Variants in SMARCA4 observed in about 807,000 individuals in gnomAD.
The protein encoded by SMARCA4 is SWI/SNF related BAF chromatin remodeling complex subunit ATPase 4.
Under a neutral mutation model 193.9 loss-of-function variants are expected in SMARCA4, and 31 were observed. The ratio of observed to expected loss-of-function variants is 0.16; its 90% CI spans 0.12 to 0.22. The LOEUF (loss-of-function observed/expected upper bound fraction) is 0.22, where lower values mean the gene tolerates loss of function less well. Ranked by LOEUF, SMARCA4 falls within the 10% of genes least tolerant of loss-of-function variation. SMARCA4 has a pLI of 1.00. For synonymous variants in SMARCA4, 942 were observed against 933.1 expected, an observed-to-expected ratio of 1.01 and a Z score of -0.17; for missense variants, 1,148 against 2,296.0, an observed-to-expected ratio of 0.50 and a Z score of 10.22.
intron 30 of SMARCA4, among the ~76,000 whole-genome samples, chr19:11,048,940 C>T (rs1419129472): frequency 6.6e-6 from 1 of 152,228 alleles, no homozygotes; most frequent in African/African-American, 2.4e-5. Context: ...GTGGCACTGC[C>T]AGCTGTCACA....
rs746165832 is a variant in SMARCA4 at position 11,039,527 on chromosome 19, C to G, written c.4171-1780C>G. 2 of 1,603,192 alleles carry G rather than the reference C, an allele frequency of 1.2e-6. No homozygotes were observed. The highest frequency in any genetic ancestry group is 3.5e-5 in the Admixed American group (2 of 57,800). On this transcript the variant is annotated intron_variant, in intron 29 of 34. Transcript: ENST00000344626. Reference sequence around the variant, plus strand: ...ACGTGGGCTACAATTCCAGCGTGGCCTTCAGTTCTGCACACGTGCGTCAAA... The same window carrying G: ...ACGTGGGCTACAATTCCAGCGTGGCGTTCAGTTCTGCACACGTGCGTCAAA...
chr19:11,046,536 G>A (rs1227005359), intron 30 of SMARCA4, among the ~76,000 whole-genome samples: 1 of 152,222 alleles, frequency 6.6e-6, no homozygotes, highest in African/African-American at 2.4e-5. Flanking sequence ...CAACAAAGAT[G>A]ACTATTAAAG....
At chr19:10,965,987 T>G (rs1263816695) in intron 1 of SMARCA4, among the ~76,000 whole-genome samples, 7 of 141,966 alleles carry the variant, frequency 4.9e-5, no homozygotes, top group African/African-American at 1.8e-4. Context: ...TTTTTTTTTT[T>G]TTTTTTTTTT....
chr19:10,994,350 G>A (rs910493845), intron 8 of SMARCA4, among the ~76,000 whole-genome samples: 10 of 131,022 alleles, frequency 7.6e-5, no homozygotes, highest in Non-Finnish European at 1.6e-4. Flanking sequence ...TTGAGACAGC[G>A]TCTCACTCTG....
chr19:11,011,098 C>T lies in SMARCA4; in HGVS notation c.2274+567C>T, dbSNP rs549224582. The T allele has an allele frequency of 1.2e-4, 24 of 196,548 alleles. 1 individual carries two copies. Among genetic ancestry groups the T allele is most frequent in the African/African-American group, 5.0e-4 (22 of 43,692 alleles). 12.2% of individuals were successfully genotyped at this position (196,548 alleles called of 1,614,324 possible). A position where few individuals can be genotyped will look rare whatever the true frequency, so the allele number is the denominator to read the frequency against. On this transcript the variant is annotated intron_variant, in intron 15 of 34. Coordinates refer to ENST00000344626, the MANE Select transcript of SMARCA4 (RefSeq NM_003072.5). The stretch of plus-strand genomic sequence containing the variant: ...ACCTGGGCCTGACTTGGGACAGTCA[C>T]GAAACAGAGCTGCTCATGCTCTTAA...
At position 11,062,143 on chromosome 19, in the gene SMARCA4, T is replaced by C. The variant is rs146968124; in HGVS notation, c.*327T>C. Reference sequence around the variant, plus strand: ...AGTTTGGAGTCACTGTAGTTAAGTGTGGATGCATGTGCGTCACCGTCCACT... The same window carrying C: ...AGTTTGGAGTCACTGTAGTTAAGTGCGGATGCATGTGCGTCACCGTCCACT... On this transcript the variant is annotated 3_prime_UTR_variant, in exon 35 of 35. Coordinates refer to ENST00000344626, the MANE Select transcript of SMARCA4 (RefSeq NM_003072.5). The C allele has an allele frequency of 1.1e-3, 522 of 463,890 alleles. No individual in the cohort carries two copies. Among genetic ancestry groups the C allele is most frequent in the Non-Finnish European group, 1.8e-3 (465 of 252,080 alleles). The allele number at this position is 463,890 out of a possible 1,614,324, so 28.7% of individuals were successfully genotyped here.
intron 30 of SMARCA4, among the ~76,000 whole-genome samples, chr19:11,048,537 C>T (rs538800814): frequency 1.3e-5 from 2 of 152,306 alleles, no homozygotes; most frequent in Admixed American, 6.5e-5. Flanking sequence ...GAACACGGGA[C>T]GTTGTCCTCT....
intron 29 of SMARCA4, among the ~76,000 whole-genome samples, chr19:11,037,645 A>G (rs2075344736): frequency 6.6e-6 from 1 of 152,226 alleles, no homozygotes; most frequent in East Asian, 1.9e-4. Flanking sequence ...TTGTACTTAC[A>G]GTCGATTTTT....
rs1354262139 is a variant in SMARCA4 at position 11,027,855 on chromosome 19, A to G, written c.3287A>G (p.Asn1096Ser). ...ATTCTTCCCAAACTCCGAGCAACCA[A>G]CCACAAAGTGCTGCTGTTCTGCCAA... is the stretch of plus-strand genomic sequence containing the variant. ...DRILPKLRAT[N>S]HKVLLFCQMT... The change falls in exon 24 of 35, where the codon AAC becomes AGC. Residue 1096 changes from asparagine to serine, a missense_variant. By Grantham distance (46) the Asn-to-Ser change is conservative. Transcript: ENST00000344626. 2.5e-6 allele frequency: 4 copies of G among 1,614,078 alleles called. No individual in the cohort carries two copies. The highest frequency in any genetic ancestry group is 2.2e-5 in the South Asian group (2 of 91,078).
chr19:11,035,716 C>T (rs1011232650), intron 29 of SMARCA4, among the ~76,000 whole-genome samples: 8 of 152,252 alleles, frequency 5.3e-5, no homozygotes, highest in Non-Finnish European at 8.8e-5. Flanking sequence ...GCTGGCCCTG[C>T]AACAGCAGCT....
intron 1 of SMARCA4, among the ~76,000 whole-genome samples, chr19:10,965,033 C>T (rs1471962626): frequency 6.6e-6 from 1 of 152,162 alleles, no homozygotes; most frequent in Non-Finnish European, 1.5e-5. Context: ...TCTTTCCATC[C>T]CTCGGTCATC....
At chr19:11,003,294 G>T (rs1230550884) in intron 12 of SMARCA4, 46 bp from the exon 13 acceptor site, 1 of 1,606,780 alleles carries the variant, frequency 6.2e-7, no homozygotes, top group East Asian at 2.2e-5. Context: ...AGTGAATTCT[G>T]CTGGCTCTGA....
chr19:10,994,436 GCCTC>G (rs1180206584), intron 8 of SMARCA4, among the ~76,000 whole-genome samples: 7 of 148,026 alleles, frequency 4.7e-5, no homozygotes, highest in Non-Finnish European at 8.9e-5. Flanking sequence ...CCATTCTCCT[GCCTC>G]AGCCTCCCGA....
In SMARCA4 at chr19:11,058,866, A is replaced by G. The variant is rs754674194; in HGVS notation, c.4612A>G (p.Thr1538Ala). 6.2e-7 allele frequency: 1 copy of G among 1,614,004 alleles called. No individual in the cohort carries two copies. Among genetic ancestry groups the G allele is most frequent in the Non-Finnish European group, 8.5e-7 (1 of 1,179,952 alleles). Residue 1538 changes from threonine (T) to alanine (A), a missense_variant, in exon 32 of 35, where the codon ACC becomes GCC. By Grantham distance (58) the Thr-to-Ala change is moderately conservative. Coordinates refer to ENST00000344626, the MANE Select transcript of SMARCA4 (RefSeq NM_003072.5). The surrounding 1 kb of genome is among the most constrained non-coding windows in gnomAD (Gnocchi z 5.8). ...DVMLLCQNAQ[T>A]FNLEGSLIYE... ...CATGCTCCTGTGCCAGAACGCACAG[A>G]CCTTCAACCTGGAGGGCTCCCTGGT...
intron 30 of SMARCA4, among the ~76,000 whole-genome samples, chr19:11,052,127 A>G (rs1227352106): frequency 6.6e-6 from 1 of 152,136 alleles, no homozygotes; most frequent in African/African-American, 2.4e-5. Context: ...ATGATCATAG[A>G]CAGGAGGGAT....
chr19:11,012,891 G>A lies in SMARCA4; in HGVS notation c.2275-58G>A, dbSNP rs1187999686. ...GTGTCTTGACTCTCTGAAGTGGGAG[G>A]ACCCTCTGGTGTCCGACCCGGCCTT... On this transcript the variant is annotated intron_variant, in intron 15 of 34. Transcript: ENST00000344626. 2.6e-6 allele frequency: 4 copies of A among 1,558,098 alleles called. No homozygotes were observed. The South Asian group carries it at 4.5e-5, about 17-fold the overall frequency.
At chr19:10,969,025 T>C (rs1197490992) in intron 1 of SMARCA4, among the ~76,000 whole-genome samples, 1 of 152,202 alleles carries the variant, frequency 6.6e-6, no homozygotes, top group Non-Finnish European at 1.5e-5. Context: ...CTATTCCTTT[T>C]GATCCTCGGC....
At chr19:10,983,664 C>G (rs988352278) in intron 1 of SMARCA4, 1 of 173,320 alleles carries the variant, frequency 5.8e-6, no homozygotes, top group African/African-American at 2.4e-5. Context: ...GAACTCCTGA[C>G]CTCAAATGAT....
At chr19:11,020,292 A>G (rs1382653217) in intron 18 of SMARCA4, among the ~76,000 whole-genome samples, 1 of 152,188 alleles carries the variant, frequency 6.6e-6, no homozygotes, top group Non-Finnish European at 1.5e-5. Context: ...TAGAAAACAG[A>G]CATAGCCCTC....
Sources: allele counts gnomAD v4.1 joint callset (sites outside exome capture counted in the v4.1 genomes callset), GRCh38; gene constraint gnomAD v4.1.1; non-coding constraint Gnocchi (gnomAD v3.1); transcripts MANE v1.5; gene names NCBI Gene and HGNC (gene_info 2026-07-23, HGNC 2026-07-21).